ESYT2: variants seen among roughly 807,000 people sequenced by gnomAD.
ESYT2 encodes the protein extended synaptotagmin-2.
Under a neutral mutation model 107.2 loss-of-function variants are expected in ESYT2, and 54 were observed. The observed-to-expected ratio is 0.50, with a 90% CI of 0.40 to 0.63. The LOEUF is 0.63. Among genes scored for constraint, ESYT2 ranks in the 30% least tolerant of loss-of-function variants. ESYT2 has a pLI of 0.00. For missense variants in ESYT2, 1,020 were observed against 1,094.5 expected (o/e 0.93, Z 0.96); for synonymous variants, 491 against 434.1 (o/e 1.13, Z -1.63).
At chr7:158,777,894 A>G (rs1838626038) in intron 6 of ESYT2, among the ~76,000 whole-genome samples, 1 of 152,218 alleles carries the variant, frequency 6.6e-6, no homozygotes, top group South Asian at 2.1e-4. Flanking sequence ...TTGCCGAAAC[A>G]TGACACAGAG....
At chr7:158,789,513 C>A (rs767219229) in intron 4 of ESYT2, among the ~76,000 whole-genome samples, 1 of 151,986 alleles carries the variant, frequency 6.6e-6, no homozygotes, top group Non-Finnish European at 1.5e-5. Context: ...TGTGCCACTA[C>A]GCTAATTAAT....
rs554465489 is a variant in ESYT2, at chr7:158,784,475, G to C, written c.747+3529C>G. On this transcript the variant is annotated intron_variant, in intron 6 of 22. Coordinates refer to ENST00000275418, the MANE Select transcript of ESYT2 (RefSeq NM_001367773.1). Reference sequence around the variant, plus strand: ...CCAAAGGGAGAGGCCAAGGATGCAGGAAGACGCAAGGCTTTCTCTGAAGTG... The same window carrying C: ...CCAAAGGGAGAGGCCAAGGATGCAGCAAGACGCAAGGCTTTCTCTGAAGTG... 5.6e-4 allele frequency among the ~76,000 whole-genome samples: 85 copies of C among 152,282 alleles called. 1 individual carries two copies. The highest frequency in any genetic ancestry group is 1.9e-3 in the African/African-American group (81 of 41,552).
intron 1 of ESYT2, among the ~76,000 whole-genome samples, chr7:158,825,455 G>C (rs1423006311): frequency 6.6e-6 from 1 of 152,154 alleles, no homozygotes; most frequent in Non-Finnish European, 1.5e-5. Flanking sequence ...TAAGCAGTTG[G>C]AACATAACTG....
intron 1 of ESYT2, among the ~76,000 whole-genome samples, chr7:158,802,715 T>A (rs1477220452): frequency 6.6e-6 from 1 of 152,248 alleles, no homozygotes; most frequent in Non-Finnish European, 1.5e-5. Flanking sequence ...CATTCCTCTT[T>A]AAAAATTAAT....
chr7:158,827,175 A>AAG (rs1251447852), intron 1 of ESYT2, among the ~76,000 whole-genome samples: 4 of 151,916 alleles, frequency 2.6e-5, no homozygotes, highest in East Asian at 3.9e-4. Flanking sequence ...AAAAAAAAAA[A>AAG]AAAGAAAAGA....
intron 7 of ESYT2, among the ~76,000 whole-genome samples, chr7:158,771,378 A>G (rs1838363378): frequency 6.6e-6 from 1 of 152,164 alleles, no homozygotes; most frequent in South Asian, 2.1e-4. Context: ...TTTCTAGAGA[A>G]AGTTTTTGCT....
intron 1 of ESYT2, among the ~76,000 whole-genome samples, chr7:158,802,081 T>C (rs377241078): frequency 6.6e-5 from 10 of 152,324 alleles, no homozygotes; most frequent in African/African-American, 2.2e-4. Flanking sequence ...CAGGATGGAA[T>C]TGACATAACT....
chr7:158,822,582 G>T (rs929549050), intron 1 of ESYT2, among the ~76,000 whole-genome samples: 2 of 151,894 alleles, frequency 1.3e-5, no homozygotes, highest in African/African-American at 4.8e-5. Flanking sequence ...GGGCAACATA[G>T]CAAGACCTCG....
chr7:158,768,445 G>A (rs932895248), intron 7 of ESYT2, among the ~76,000 whole-genome samples: 2 of 152,208 alleles, frequency 1.3e-5, no homozygotes, highest in Non-Finnish European at 2.9e-5. Context: ...ATGAGACAGA[G>A]TTTTGATCCT....
At chr7:158,757,368 A>G (rs1837794625) in intron 13 of ESYT2, among the ~76,000 whole-genome samples, 1 of 152,210 alleles carries the variant, frequency 6.6e-6, no homozygotes, top group African/African-American at 2.4e-5. Flanking sequence ...TATTTTCACA[A>G]AACACTAGTC....
At chr7:158,757,320 CG>C (rs1837792651) in intron 13 of ESYT2, among the ~76,000 whole-genome samples, 1 of 152,188 alleles carries the variant, frequency 6.6e-6, no homozygotes, top group African/African-American at 2.4e-5. Context: ...GAAAGAACCC[CG>C]GAGGACTCAC....
chr7:158,743,598 A>C lies in ESYT2; in HGVS notation c.1725T>G (p.Thr575=), dbSNP rs757467039. Residue 575 remains threonine (T), a synonymous_variant, in exon 17 of 23, where the codon ACT becomes ACG. Coordinates refer to ENST00000275418, the MANE Select transcript of ESYT2 (RefSeq NM_001367773.1). The stretch of plus-strand genomic sequence containing the variant: ...TACTGAGCTGGAAGCGCTGGCTCAC[A>C]GTCATGTCCTCACTGGTGAGCAGCT... ...LSQLLTSEDM[T]VSQRFQLSNS... is the part of the protein sequence containing the mutation. The C allele has an allele frequency of 6.2e-7, 1 of 1,613,412 alleles. No homozygotes were observed. The highest frequency in any genetic ancestry group is 8.5e-7 in the Non-Finnish European group (1 of 1,179,838).
At chr7:158,792,472 G>A (rs1839328462) in intron 4 of ESYT2, among the ~76,000 whole-genome samples, 1 of 151,386 alleles carries the variant, frequency 6.6e-6, no homozygotes, top group South Asian at 2.1e-4. Flanking sequence ...AAGCTGCAGT[G>A]AGCCAAGACT....
chr7:158,795,908 C>A (rs1304846831), intron 3 of ESYT2, among the ~76,000 whole-genome samples: 1 of 152,034 alleles, frequency 6.6e-6, no homozygotes, highest in Non-Finnish European at 1.5e-5. Context: ...AGGTGTCACA[C>A]GTAAGGCTGC....
intron 4 of ESYT2, among the ~76,000 whole-genome samples, chr7:158,790,788 C>T (rs1839263159): frequency 6.6e-6 from 1 of 152,054 alleles, no homozygotes. Context: ...ATTAGTCAGG[C>T]ATGGTGGCAT....
rs1385103296 is a variant in ESYT2 at position 158,731,005 on chromosome 7, CAT to C, written c.*3200_*3201del. Reference sequence around the variant, plus strand: ...GAAAAACAAATCACGACTGAGCTAACATAAAGGTTTTATTGAATAAATACATG... The same window carrying C: ...GAAAAACAAATCACGACTGAGCTAACAAAGGTTTTATTGAATAAATACATG... On this transcript the variant is annotated 3_prime_UTR_variant, in exon 23 of 23. Transcript: ENST00000275418. The C allele has an allele frequency of 6.6e-6, 1 of 152,192 alleles. No individual in the cohort carries two copies. The highest frequency in any genetic ancestry group is 2.4e-5 in the African/African-American group (1 of 41,450). The allele number at this position is 152,192 out of a possible 1,614,324, so 9.4% of individuals were successfully genotyped here.
chr7:158,796,465 C>T (rs991144382), intron 3 of ESYT2, among the ~76,000 whole-genome samples: 6 of 152,166 alleles, frequency 3.9e-5, no homozygotes, highest in Non-Finnish European at 7.3e-5. Flanking sequence ...TTTTTAACAT[C>T]CCGAGAGGGG....
rs1421802606 is a variant in ESYT2, at chr7:158,793,690, T to A, written c.544A>T (p.Asn182Tyr). The A allele has an allele frequency of 1.9e-6, 3 of 1,613,506 alleles. No homozygotes were observed. The highest frequency in any genetic ancestry group is 2.5e-6 in the Non-Finnish European group (3 of 1,179,854). The change falls in exon 4 of 23, where the codon AAT becomes TAT. Residue 182 changes from asparagine to tyrosine, a missense_variant. Asn to Tyr is a moderately radical substitution (Grantham distance 143, BLOSUM62 -2). Coordinates refer to ENST00000275418, the MANE Select transcript of ESYT2 (RefSeq NM_001367773.1). ...RINGVKVYTE[N>Y]VDKRQIILDL... ...AAAATAATTTGCCTTTTGTCTACAT[T>A]TTCAGTGTATACCTTAACACCATTG...
At position 158,732,508 on chromosome 7, in the gene ESYT2, T is replaced by C. The variant is rs555665923; in HGVS notation, c.*1699A>G. 1 of 152,396 alleles carries C rather than the reference T, an allele frequency of 6.6e-6. No homozygotes were observed. Among genetic ancestry groups the C allele is most frequent in the South Asian group, 2.1e-4 (1 of 4,830 alleles). The allele number at this position is 152,396 out of a possible 1,614,324, so 9.4% of individuals were successfully genotyped here. A position where few individuals can be genotyped will look rare whatever the true frequency, so the allele number is the denominator to read the frequency against. On this transcript the variant is annotated 3_prime_UTR_variant, in exon 23 of 23. Coordinates refer to ENST00000275418, the MANE Select transcript of ESYT2 (RefSeq NM_001367773.1). ...CTGGTCTTTATGATTACATGAAATA[T>C]GCTGTGAAGCTACAGACTCCATTAT...
Sources: gnomAD v4.1 joint callset for allele counts (sites outside exome capture counted in the v4.1 genomes callset) on GRCh38, gnomAD v4.1.1 for gene constraint, MANE v1.5 for transcripts, NCBI Gene and HGNC (gene_info 2026-07-23, HGNC 2026-07-21) for gene names.